Variants in TXNDC5 observed in about 807,000 individuals in gnomAD.
The protein encoded by TXNDC5 is thioredoxin domain containing 5.
TXNDC5 carries 44 observed loss-of-function variants against 52.6 expected under a neutral mutation model. The ratio of observed to expected loss-of-function variants is 0.84; its 90% confidence interval spans 0.66 to 1.08. The LOEUF is 1.08. Among genes scored for constraint, TXNDC5 ranks in the 50% least tolerant of loss-of-function variants. The probability of loss-of-function intolerance (pLI) is 0.00; values close to 1 mark genes in which losing one functional copy is unlikely to be tolerated. For missense variants in TXNDC5, 600 were observed against 565.5 expected, an observed-to-expected ratio of 1.06 and a Z score of -0.62; for synonymous variants, 241 against 234.4, an observed-to-expected ratio of 1.03 and a Z score of -0.26.
chr6:7,910,040 C>T, intron 1 of TXNDC5: 5 of 986,242 alleles, frequency 5.1e-6, no homozygotes, highest in Non-Finnish European at 4.8e-6. Context: ...CCCCACCTTC[C>T]CCTCCCTCGG....
chr6:7,898,359 T>G (rs1335428950), intron 3 of TXNDC5, among the ~76,000 whole-genome samples: 1 of 151,988 alleles, frequency 6.6e-6, no homozygotes, highest in African/African-American at 2.4e-5. Context: ...CCCAGCCGAG[T>G]TGAGAGAGTC....
intron 2 of TXNDC5, among the ~76,000 whole-genome samples, chr6:7,901,706 G>A (rs1414469294): frequency 6.6e-6 from 1 of 152,168 alleles, no homozygotes; most frequent in South Asian, 2.1e-4. Flanking sequence ...CCCAAACAAA[G>A]TATTGCCCCA....
chr6:7,895,072 T>C, intron 4 of TXNDC5, 34 bp downstream of exon 4: 1 of 1,605,742 alleles, frequency 6.2e-7, no homozygotes, highest in Non-Finnish European at 8.5e-7. Flanking sequence ...ATAATAGTGA[T>C]TCTCTGAAGC....
At chr6:7,909,981 G>A in intron 1 of TXNDC5, 12 of 986,138 alleles carry the variant, frequency 1.2e-5, no homozygotes, top group Non-Finnish European at 1.2e-5. Context: ...GCGCTGGGCA[G>A]GGACCGCGGG....
rs533822816 is a variant in TXNDC5, at chr6:7,902,352, A to G, written c.413+2222T>C. On this transcript the variant is annotated intron_variant, in intron 2 of 9. Coordinates refer to ENST00000379757, the MANE Select transcript of TXNDC5 (RefSeq NM_030810.5). Reference sequence around the variant, plus strand: ...TGTAATGATTCATGACTGGCCCAACAGGAAGACCTCAAAACATTTTCCTGA... The same window carrying G: ...TGTAATGATTCATGACTGGCCCAACGGGAAGACCTCAAAACATTTTCCTGA... 4.1e-4 allele frequency among the ~76,000 whole-genome samples: 62 copies of G among 152,214 alleles called. 1 individual carries two copies. The highest frequency in any genetic ancestry group is 4.4e-4 in the Non-Finnish European group (30 of 68,024).
intron 7 of TXNDC5, 128 bp from the exon 8 acceptor site, chr6:7,886,171 C>A (rs1759974712): frequency 1.4e-6 from 1 of 720,928 alleles, no homozygotes. Flanking sequence ...CAAGGTCACA[C>A]AGAAATACCT....
chr6:7,881,532 G>T lies in TXNDC5; in HGVS notation c.*1612C>A, dbSNP rs948495919. On this transcript the variant is annotated 3_prime_UTR_variant, in exon 10 of 10. Coordinates refer to ENST00000379757, the MANE Select transcript of TXNDC5 (RefSeq NM_030810.5). ...AAGACCAGACTTTTAAAAAAAAAGA[G>T]TTTATTTAGAAAGTATCATAGTGTA... 1 of 152,134 alleles carries T rather than the reference G, an allele frequency of 6.6e-6. No individual in the cohort carries two copies. Among genetic ancestry groups the T allele is most frequent in the African/African-American group, 2.4e-5 (1 of 41,322 alleles). 9.4% of individuals were successfully genotyped at this position (152,134 alleles called of 1,614,324 possible).
At chr6:7,907,651 G>A (rs72829248) in intron 1 of TXNDC5, among the ~76,000 whole-genome samples, 1 of 152,032 alleles carries the variant, frequency 6.6e-6, no homozygotes, top group Non-Finnish European at 1.5e-5. Context: ...TGTGTTGAGG[G>A]GGAGTCCACT....
chr6:7,892,457 C>T (rs1400803302), intron 4 of TXNDC5, among the ~76,000 whole-genome samples: 1 of 152,246 alleles, frequency 6.6e-6, no homozygotes, highest in Non-Finnish European at 1.5e-5. Context: ...GATATATAAA[C>T]ACATACACAT....
intron 1 of TXNDC5, chr6:7,910,213 A>G (rs1244624623): frequency 5.4e-6 from 5 of 924,658 alleles, no homozygotes; most frequent in Non-Finnish European, 5.2e-6. Context: ...CCCGACCCGG[A>G]GCCCCAAGCC....
Position 7,910,658 on chromosome 6 carries a change from TC to T in TXNDC5, c.118del (p.Glu40ArgfsTer100), listed in dbSNP as rs2113381196. 1 of 1,168,228 alleles carries T rather than the reference TC, an allele frequency of 8.6e-7. No individual in the cohort carries two copies. The highest frequency in any genetic ancestry group is 1.1e-6 in the Non-Finnish European group (1 of 929,348). 72.4% of individuals were successfully genotyped at this position (1,168,228 alleles called of 1,614,324 possible). A position where few individuals can be genotyped will look rare whatever the true frequency, so the allele number is the denominator to read the frequency against. The part of the protein sequence containing the change: ...GGGRWGARAQ[E>X]AAAAAADGPP... ...CCCGTCCGCCGCCGCCGCCGCCGCCTCCTGGGCCCGGGCGCCCCAGCGCCCG... is the reference window on the plus strand; with the variant it reads ...CCCGTCCGCCGCCGCCGCCGCCGCCTCTGGGCCCGGGCGCCCCAGCGCCCG... On this transcript the variant is annotated frameshift_variant, in exon 1 of 10. Transcript: ENST00000379757. LOFTEE classifies it high-confidence loss of function.
chr6:7,910,540 C>G lies in TXNDC5; in HGVS notation c.237G>C (p.Ala79=), dbSNP rs779476093. The G allele has an allele frequency of 3.4e-6, 5 of 1,456,958 alleles. No individual in the cohort carries two copies. Among genetic ancestry groups the G allele is most frequent in the Middle Eastern group, 3.6e-4 (2 of 5,596 alleles). 90.3% of individuals were successfully genotyped at this position (1,456,958 alleles called of 1,614,324 possible). A position where few individuals can be genotyped will look rare whatever the true frequency, so the allele number is the denominator to read the frequency against. ...AGGGCGCGAAGAACATGACGAAGTG[C>G]GCGGCGCTCTGGATCCCGTGCGTGA... ...DMFTHGIQSA[A]HFVMFFAPWC... is the part of the protein sequence containing the mutation. The change falls in exon 1 of 10, where the codon GCG becomes GCC. Residue 79 remains alanine (A), a synonymous_variant. Transcript: ENST00000379757.
Position 7,888,932 on chromosome 6 carries a change from C to T in TXNDC5, c.820-84G>A, listed in dbSNP as rs528808673. 24 of 1,491,344 alleles carry T rather than the reference C, an allele frequency of 1.6e-5. No homozygotes were observed. In the East Asian group the frequency reaches 3.1e-4, roughly 19 times the overall value. The allele number at this position is 1,491,344 out of a possible 1,614,324, so 92.4% of individuals were successfully genotyped here. ...AGCCTTCCTGCAACCCCTGCTTGCC[C>T]GGGTCAGAGCTCCCAGATGTCTTAG... On this transcript the variant is annotated intron_variant, in intron 6 of 9. Transcript: ENST00000379757.
Position 7,889,482 on chromosome 6 carries a change from A to C in TXNDC5, c.819+13T>G. ...AGATGAAGAATTCTCAGTACTAAGA[A>C]GTGCAGACGTACCTTTTTCCCATCT... On this transcript the variant is annotated intron_variant, in intron 6 of 9. Coordinates refer to ENST00000379757, the MANE Select transcript of TXNDC5 (RefSeq NM_030810.5). The C allele has an allele frequency of 6.2e-7, 1 of 1,611,800 alleles. No individual in the cohort carries two copies. The highest frequency in any genetic ancestry group is 8.5e-7 in the Non-Finnish European group (1 of 1,178,038).
chr6:7,904,580 T>C lies in TXNDC5; in HGVS notation c.407A>G (p.Tyr136Cys), dbSNP rs1357362740. The change falls in exon 2 of 10, where the codon TAC (tyrosine) becomes TGC (cysteine). Residue 136 changes from tyrosine to cysteine, a missense_variant. Coordinates refer to ENST00000379757, the MANE Select transcript of TXNDC5 (RefSeq NM_030810.5). ...CCCCTTCCTTCCAACTTACGTGGGGTATCCTCGCACCCCCTGGGCGGAGCA... is the reference window on the plus strand; with the variant it reads ...CCCCTTCCTTCCAACTTACGTGGGGCATCCTCGCACCCCCTGGGCGGAGCA... ...DVCSAQGVRGYPTLKLFKPGQ... is the reference protein window; with the variant it reads ...DVCSAQGVRGCPTLKLFKPGQ... 7 of 1,613,870 alleles carry C rather than the reference T, an allele frequency of 4.3e-6. No homozygotes were observed. Among genetic ancestry groups the C allele is most frequent in the Admixed American group, 1.7e-5 (1 of 59,984 alleles).
Position 7,899,668 on chromosome 6 carries a change from TG to T in TXNDC5, c.426del (p.Phe142LeufsTer8). ...GVRGYPTLKL[F>X]KPGQEAVKYQ... ...TACTTCACAGCTTCTTGGCCTGGCT[TG>T]AAAAGCTTTAAGCTGAAAGAATAAC... On this transcript the variant is annotated frameshift_variant, in exon 3 of 10. Transcript: ENST00000379757. LOFTEE classifies it high-confidence loss of function. 1 of 1,613,998 alleles carries T rather than the reference TG, an allele frequency of 6.2e-7. No homozygotes were observed. The highest frequency in any genetic ancestry group is 8.5e-7 in the Non-Finnish European group (1 of 1,179,964).
chr6:7,890,758 T>C (rs554054377), intron 5 of TXNDC5, among the ~76,000 whole-genome samples: 66 of 152,342 alleles, frequency 4.3e-4, no homozygotes, highest in Admixed American at 1.6e-3. Flanking sequence ...TGCCCCATGC[T>C]AAGCATCACA....
intron 4 of TXNDC5, chr6:7,894,686 G>C: frequency 1.0e-6 from 1 of 967,836 alleles, no homozygotes; most frequent in Non-Finnish European, 1.2e-6. Context: ...TGCTGACAGA[G>C]GGATACAAAG....
In TXNDC5 at chr6:7,902,724, G is replaced by A. The variant is rs576329954; in HGVS notation, c.413+1850C>T. Among the ~76,000 whole-genome samples the A allele has an allele frequency of 2.2e-4, 34 of 152,212 alleles. No individual in the cohort carries two copies. The East Asian group carries it at 3.3e-3, about 15-fold the overall frequency. ...TCACAGAGGTTCCTTCCCAAACTGT[G>A]TTCAGTGTGGTGTACGTTCATTTTT... is the stretch of plus-strand genomic sequence containing the variant. On this transcript the variant is annotated intron_variant, in intron 2 of 9. Coordinates refer to ENST00000379757, the MANE Select transcript of TXNDC5 (RefSeq NM_030810.5).
Sources: allele counts gnomAD v4.1 joint callset (sites outside exome capture counted in the v4.1 genomes callset), GRCh38; gene constraint gnomAD v4.1.1; transcripts MANE v1.5; gene names NCBI Gene and HGNC (gene_info 2026-07-23, HGNC 2026-07-21).